DTWD2: variants seen among roughly 807,000 people sequenced by gnomAD.
DTWD2 encodes DTW motif tRNA-uridine aminocarboxypropyltransferase 2.
A neutral mutation model predicts 31.8 loss-of-function variants in DTWD2; 39 were observed. The ratio of observed to expected loss-of-function variants is 1.22; its 90% CI spans 0.95 to 1.60. DTWD2 has a LOEUF of 1.60. Among genes scored for constraint, DTWD2 ranks in the 40% most tolerant of loss-of-function variants. DTWD2 has a pLI of 0.00. For missense variants in DTWD2, 515 were observed against 381.5 expected (o/e 1.35, Z -2.92); for synonymous variants, 180 against 142.8 (o/e 1.26, Z -1.86).
At chr5:118,847,595 C>T (rs1367279159) in intron 5 of DTWD2, among the ~76,000 whole-genome samples, 1 of 148,024 alleles carries the variant, frequency 6.8e-6, no homozygotes, top group Non-Finnish European at 1.5e-5. Context: ...ATAATACTTT[C>T]ATATTCTCTA....
intron 4 of DTWD2, among the ~76,000 whole-genome samples, chr5:118,893,647 C>T (rs915119634): frequency 6.6e-6 from 1 of 152,034 alleles, no homozygotes; most frequent in Non-Finnish European, 1.5e-5. Context: ...AATCTAGTCA[C>T]ATGAGTCCTT....
At position 118,988,494 on chromosome 5, in the gene DTWD2, C is replaced by A; in HGVS notation, c.18G>T (p.Glu6Asp). The A allele has an allele frequency of 6.3e-7, 1 of 1,583,794 alleles. No homozygotes were observed. Among genetic ancestry groups the A allele is most frequent in the Non-Finnish European group, 8.6e-7 (1 of 1,167,316 alleles). Residue 6 changes from glutamate to aspartate, a missense_variant, in exon 1 of 6, where the codon GAG (glutamate) becomes GAT (aspartate). By Grantham distance (45) the Glu-to-Asp change is conservative. Transcript: ENST00000510708. ...CAACGGGCTCCTGGAGTGTTCGTGC[C>A]TCTTTCTGCGACTCCATGGCGGACA... MESQK[E>D]ARTLQEPVAR...
At chr5:118,922,349 T>C (rs1387836009) in intron 4 of DTWD2, among the ~76,000 whole-genome samples, 6 of 152,216 alleles carry the variant, frequency 3.9e-5, no homozygotes, top group Non-Finnish European at 8.8e-5. Context: ...TGAATTCTGA[T>C]TTTTGTTTCC....
intron 1 of DTWD2, among the ~76,000 whole-genome samples, chr5:118,973,266 C>A (rs1580449077): frequency 6.6e-6 from 1 of 152,096 alleles, no homozygotes; most frequent in Non-Finnish European, 1.5e-5. Context: ...TGAAGGTTAA[C>A]GTTGTTACGT....
At chr5:118,887,297 A>T (rs1276027792) in intron 4 of DTWD2, among the ~76,000 whole-genome samples, 1 of 152,174 alleles carries the variant, frequency 6.6e-6, no homozygotes, top group Non-Finnish European at 1.5e-5. Flanking sequence ...CCATGGCTCT[A>T]TAGAGTGATT....
At chr5:118,942,652 A>G (rs1754232484) in intron 2 of DTWD2, among the ~76,000 whole-genome samples, 1 of 152,118 alleles carries the variant, frequency 6.6e-6, no homozygotes, top group African/African-American at 2.4e-5. Flanking sequence ...TCTACAAAAA[A>G]TAGAAAGAAA....
In DTWD2 at chr5:118,958,077, G is replaced by A. The variant is rs1355602927; in HGVS notation, c.219-13428C>T. 2.6e-5 allele frequency among the ~76,000 whole-genome samples: 4 copies of A among 152,154 alleles called. No individual in the cohort carries two copies. The East Asian group carries it at 7.7e-4, about 29-fold the overall frequency. On this transcript the variant is annotated intron_variant, in intron 1 of 5. Transcript: ENST00000510708. ...TCAAAATAATTATATCACTGGCCTA[G>A]ACATGTTTGTTCCTACTAGATCTAT...
chr5:118,959,416 G>A (rs775407734), intron 1 of DTWD2, among the ~76,000 whole-genome samples: 17 of 152,022 alleles, frequency 1.1e-4, no homozygotes, highest in Non-Finnish European at 2.4e-4. Context: ...TCTCTACAAC[G>A]AGAATTACAA....
chr5:118,838,945 G>A lies in DTWD2; in HGVS notation c.*1972C>T, dbSNP rs982839821. The A allele has an allele frequency of 3.3e-5, 5 of 152,136 alleles. No individual in the cohort carries two copies. The highest frequency in any genetic ancestry group is 2.1e-4 in the South Asian group (1 of 4,818). The allele number at this position is 152,136 out of a possible 1,614,324, so 9.4% of individuals were successfully genotyped here. On this transcript the variant is annotated 3_prime_UTR_variant, in exon 6 of 6. Transcript: ENST00000510708. ...TTGGAGGCCAAGGCAGACAGATCAC[G>A]AGGTCAGGAGATCGAGACCATCCTG...
chr5:118,849,114 G>A (rs1366445885), intron 4 of DTWD2, among the ~76,000 whole-genome samples: 1 of 152,142 alleles, frequency 6.6e-6, no homozygotes, highest in African/African-American at 2.4e-5. Context: ...GAAAAATTTT[G>A]CAATCTGTCC....
Position 118,988,545 on chromosome 5 carries a change from C to G in DTWD2, c.-34G>C. ...CTCCGGTCAGGCCGTGGCATTGAAG[C>G]CCGGCTGCCGCCGGGGGGCGCCACG... On this transcript the variant is annotated 5_prime_UTR_variant, in exon 1 of 6. Transcript: ENST00000510708. 7 of 1,475,270 alleles carry G rather than the reference C, an allele frequency of 4.7e-6. No individual in the cohort carries two copies. The highest frequency in any genetic ancestry group is 6.3e-6 in the Non-Finnish European group (7 of 1,116,154). 91.4% of individuals were successfully genotyped at this position (1,475,270 alleles called of 1,614,324 possible).
intron 1 of DTWD2, among the ~76,000 whole-genome samples, chr5:118,967,029 C>CAAA (rs1428318068): frequency 8.1e-5 from 6 of 74,322 alleles, no homozygotes; most frequent in African/African-American, 2.9e-4. Context: ...GACTCCATCT[C>CAAA]AAAAAAAAAA....
chr5:118,865,276 C>T (rs1752357858), intron 4 of DTWD2, among the ~76,000 whole-genome samples: 1 of 152,058 alleles, frequency 6.6e-6, no homozygotes, highest in Non-Finnish European at 1.5e-5. Flanking sequence ...TGTTAAATGA[C>T]ATTACAACTG....
At chr5:118,858,056 A>G (rs549694566) in intron 4 of DTWD2, among the ~76,000 whole-genome samples, 1 of 152,072 alleles carries the variant, frequency 6.6e-6, no homozygotes, top group Non-Finnish European at 1.5e-5. Flanking sequence ...CCTAGAAGAC[A>G]CCCAACTGAC....
intron 4 of DTWD2, among the ~76,000 whole-genome samples, chr5:118,899,419 C>A (rs1046836704): frequency 2.6e-5 from 4 of 152,162 alleles, no homozygotes; most frequent in African/African-American, 9.7e-5. Context: ...GGAACCTAAT[C>A]CTGTATTTTC....
intron 4 of DTWD2, among the ~76,000 whole-genome samples, chr5:118,898,029 A>G (rs1431141894): frequency 6.6e-6 from 1 of 151,880 alleles, no homozygotes; most frequent in African/African-American, 2.4e-5. Context: ...ATGCCCAGCT[A>G]ATTTTTTAAA....
chr5:118,943,197 A>G (rs1754245683), intron 2 of DTWD2, among the ~76,000 whole-genome samples: 1 of 152,226 alleles, frequency 6.6e-6, no homozygotes, highest in Non-Finnish European at 1.5e-5. Flanking sequence ...TAATTGAAGT[A>G]AAATACTGCT....
chr5:118,959,961 T>A (rs748831420), intron 1 of DTWD2, among the ~76,000 whole-genome samples: 68 of 152,274 alleles, frequency 4.5e-4, no homozygotes, highest in Middle Eastern at 3.4e-3. Context: ...GATTAAAAAC[T>A]TCAATGTAAA....
intron 1 of DTWD2, among the ~76,000 whole-genome samples, chr5:118,965,699 G>T (rs548877200): frequency 1.3e-5 from 2 of 152,108 alleles, no homozygotes; most frequent in Non-Finnish European, 2.9e-5. Context: ...GATTAAGGGC[G>T]GTGCAAGATG....
Sources: gnomAD v4.1 joint callset for allele counts (sites outside exome capture counted in the v4.1 genomes callset) on GRCh38, gnomAD v4.1.1 for gene constraint, MANE v1.5 for transcripts, NCBI Gene and HGNC (gene_info 2026-07-23, HGNC 2026-07-21) for gene names.